The following STPG2 variants were observed in gnomAD, a reference collection of about 807,000 sequenced individuals.
STPG2 encodes sperm-tail PG-rich repeat-containing protein 2.
A neutral mutation model predicts 54.2 loss-of-function variants in STPG2; 56 were observed. That is an observed-to-expected ratio of 1.03 (90% CI 0.83 to 1.29). The LOEUF (loss-of-function observed/expected upper bound fraction) is 1.29. STPG2 is among the 50% of genes most tolerant of loss of function. The probability of loss-of-function intolerance (pLI) is 0.00; values close to 1 mark genes in which losing one functional copy is unlikely to be tolerated. For missense variants in STPG2, 596 were observed against 544.9 expected, an observed-to-expected ratio of 1.09 and a Z score of -0.93; for synonymous variants, 200 against 181.8, an observed-to-expected ratio of 1.10 and a Z score of -0.81.
chr4:97,608,390 C>A (rs1374589787), intron 10 of STPG2, among the ~76,000 whole-genome samples: 1 of 151,922 alleles, frequency 6.6e-6, no homozygotes, highest in Non-Finnish European at 1.5e-5. Flanking sequence ...AACAGTGGCA[C>A]AGGTATAAGT....
At chr4:97,553,598 T>C (rs909560687) in intron 4 of STPG2, among the ~76,000 whole-genome samples, 1 of 152,184 alleles carries the variant, frequency 6.6e-6, no homozygotes, top group African/African-American at 2.4e-5. Context: ...TCTAGACATA[T>C]TGAAAAGAAC....
rs559944557 is a variant in STPG2, at chr4:97,671,316, CT to C, written c.1320+41382del. Among the ~76,000 whole-genome samples the C allele has an allele frequency of 1.5e-3, 235 of 152,278 alleles. 1 individual carries two copies. The highest frequency in any genetic ancestry group is 5.4e-3 in the African/African-American group (225 of 41,552). On this transcript the variant is annotated intron_variant, in intron 10 of 10. Transcript: ENST00000295268. Reference sequence around the variant, plus strand: ...GAAATGTGACTGAAAAGCAATGAGACTGTTATTCTTGGGTGGATTATACAGG... The same window carrying C: ...GAAATGTGACTGAAAAGCAATGAGACGTTATTCTTGGGTGGATTATACAGG...
intron 8 of STPG2, among the ~76,000 whole-genome samples, chr4:97,884,136 G>A (rs1160966272): frequency 6.6e-6 from 1 of 152,108 alleles, no homozygotes; most frequent in Admixed American, 6.6e-5. Context: ...AGAGAGGGGG[G>A]AAAGGAAGGG....
chr4:97,761,474 G>T (rs1725887371), intron 9 of STPG2, among the ~76,000 whole-genome samples: 1 of 152,138 alleles, frequency 6.6e-6, no homozygotes. Context: ...ATAGGTTTCG[G>T]AGTGACCAAA....
chr4:97,637,054 G>C (rs972158228), intron 10 of STPG2, among the ~76,000 whole-genome samples: 4 of 152,180 alleles, frequency 2.6e-5, no homozygotes, highest in African/African-American at 9.7e-5. Context: ...GAGAATTTTA[G>C]AACAATATCC....
intron 10 of STPG2, among the ~76,000 whole-genome samples, chr4:97,687,702 G>T (rs573366461): frequency 5.6e-4 from 86 of 152,216 alleles, no homozygotes; most frequent in Non-Finnish European, 1.1e-3. Context: ...AAATGAGAGA[G>T]ATTTGAGGAT....
At chr4:98,078,555 A>G (rs954968281) in intron 5 of STPG2, among the ~76,000 whole-genome samples, 1 of 151,866 alleles carries the variant, frequency 6.6e-6, no homozygotes, top group Non-Finnish European at 1.5e-5. Context: ...TAATGAACAA[A>G]GCCTTGCAAT....
chr4:97,442,744 A>G (rs1729121329), intron 4 of STPG2, among the ~76,000 whole-genome samples: 1 of 152,200 alleles, frequency 6.6e-6, no homozygotes, highest in Non-Finnish European at 1.5e-5. Flanking sequence ...AAATAGTTAA[A>G]TAATGAAACA....
At chr4:97,796,079 C>T (rs1250033804) in intron 9 of STPG2, among the ~76,000 whole-genome samples, 1 of 151,972 alleles carries the variant, frequency 6.6e-6, no homozygotes, top group Non-Finnish European at 1.5e-5. Context: ...TGTTTGAGTT[C>T]TTTGTAGATT....
At chr4:97,882,452 T>C (rs1730412217) in intron 8 of STPG2, among the ~76,000 whole-genome samples, 1 of 152,148 alleles carries the variant, frequency 6.6e-6, no homozygotes, top group African/African-American at 2.4e-5. Context: ...AAAACTTTCC[T>C]CTGAGGGAGG....
At chr4:97,837,982 G>A (rs1000850091) in intron 9 of STPG2, among the ~76,000 whole-genome samples, 19 of 151,478 alleles carry the variant, frequency 1.3e-4, no homozygotes, top group East Asian at 5.8e-4. Flanking sequence ...AACGATGTGC[G>A]TTTTTTAAGT....
intron 9 of STPG2, among the ~76,000 whole-genome samples, chr4:97,811,421 T>G (rs554168112): frequency 1.1e-4 from 16 of 152,298 alleles, no homozygotes; most frequent in Non-Finnish European, 2.2e-4. Context: ...AACATTTTTA[T>G]TTTTTAAGGG....
intron 1 of STPG2, among the ~76,000 whole-genome samples, chr4:98,135,211 T>C (rs977148093): frequency 3.3e-5 from 5 of 151,752 alleles, no homozygotes; most frequent in African/African-American, 1.2e-4. Context: ...TTGCACTAAA[T>C]CTTGTATACT....
chr4:97,443,972 T>C (rs1231265892), intron 4 of STPG2, among the ~76,000 whole-genome samples: 1 of 152,130 alleles, frequency 6.6e-6, no homozygotes. Context: ...ACTATGTAAC[T>C]GGAATTTACA....
intron 5 of STPG2, among the ~76,000 whole-genome samples, chr4:98,095,336 G>T (rs1421928024): frequency 6.6e-6 from 1 of 152,134 alleles, no homozygotes; most frequent in Non-Finnish European, 1.5e-5. Flanking sequence ...TAATAACATT[G>T]AATGTAAATG....
At chr4:97,881,951 C>A (rs1212707818) in intron 8 of STPG2, among the ~76,000 whole-genome samples, 1 of 152,072 alleles carries the variant, frequency 6.6e-6, no homozygotes, top group Non-Finnish European at 1.5e-5. Flanking sequence ...ATCTAATTGA[C>A]TTTTCTTTTT....
At chr4:97,854,116 A>G (rs1389004882) in intron 8 of STPG2, among the ~76,000 whole-genome samples, 4 of 152,120 alleles carry the variant, frequency 2.6e-5, no homozygotes, top group Non-Finnish European at 4.4e-5. Context: ...ATGAGCCACT[A>G]TTCTTAAATG....
intron 4 of STPG2, among the ~76,000 whole-genome samples, chr4:97,455,708 A>C (rs1361954012): frequency 6.6e-6 from 1 of 152,212 alleles, no homozygotes; most frequent in Non-Finnish European, 1.5e-5. Flanking sequence ...GGATACAGAA[A>C]GCCCTCTGTC....
intron 5 of STPG2, among the ~76,000 whole-genome samples, chr4:98,045,320 G>C (rs555291879): frequency 1.3e-4 from 20 of 152,102 alleles, no homozygotes; most frequent in Non-Finnish European, 2.8e-4. Context: ...GCATAGCACT[G>C]CTAATGTAAA....
Sources: gnomAD v4.1 joint callset for allele counts (sites outside exome capture counted in the v4.1 genomes callset) on GRCh38, gnomAD v4.1.1 for gene constraint, MANE v1.5 for transcripts, NCBI Gene and HGNC (gene_info 2026-07-23, HGNC 2026-07-21) for gene names.